The following FAN1 variants were observed in gnomAD, a reference collection of about 807,000 sequenced individuals.
The protein encoded by FAN1 is fanconi-associated nuclease 1.
Under a neutral mutation model 104.9 loss-of-function variants are expected in FAN1, and 91 were observed. That is an observed-to-expected ratio of 0.87 (90% confidence interval 0.73 to 1.03). FAN1 has a LOEUF of 1.03. Ranked by LOEUF, FAN1 falls within the 50% of genes least tolerant of loss-of-function variation. The pLI is 0.00. For missense variants in FAN1, 1,263 were observed against 1,239.9 expected, an observed-to-expected ratio of 1.02 and a Z score of -0.28; for synonymous variants, 478 against 457.6, an observed-to-expected ratio of 1.04 and a Z score of -0.57.
chr15:30,937,641 G>A (rs899644818), intron 14 of FAN1, among the ~76,000 whole-genome samples: 1 of 151,336 alleles, frequency 6.6e-6, no homozygotes, highest in Non-Finnish European at 1.5e-5. Context: ...TAGTAGAGAC[G>A]GGGTTTCACC....
rs769919620 is a variant in FAN1 at position 30,928,539 on chromosome 15, T to TGTGTGTGTGTGC, written c.2489-13_2489-12insTGTGTGTGTGCG. 6.2e-7 allele frequency: 1 copy of TGTGTGTGTGTGC among 1,611,176 alleles called. No individual in the cohort carries two copies. Among genetic ancestry groups the TGTGTGTGTGTGC allele is most frequent in the Non-Finnish European group, 8.5e-7 (1 of 1,178,146 alleles). On this transcript the variant is annotated splice_polypyrimidine_tract_variant and intron_variant, in intron 10 of 14. Transcript: ENST00000362065. ...GTGTGTGTGTGTGTGTGTGTGTGTGTGACCTTGTCTTAGGGATTCATGGCG... is the reference window on the plus strand; with the variant it reads ...GTGTGTGTGTGTGTGTGTGTGTGTGTGTGTGTGTGTGCGACCTTGTCTTAGGGATTCATGGCG...
chr15:30,926,875 G>A (rs2140939017), intron 10 of FAN1: 2 of 985,392 alleles, frequency 2.0e-6, no homozygotes, highest in South Asian at 9.4e-5. Context: ...CGTGAAACTG[G>A]GCTGAACTCT....
intron 5 of FAN1, among the ~76,000 whole-genome samples, chr15:30,916,891 G>C (rs1335411921): frequency 6.6e-6 from 1 of 152,176 alleles, no homozygotes; most frequent in South Asian, 2.1e-4. Flanking sequence ...AGTGGCCCTG[G>C]AGAGGTGACA....
chr15:30,928,057 G>A, intron 10 of FAN1: 3 of 998,036 alleles, frequency 3.0e-6, no homozygotes, highest in Non-Finnish European at 3.6e-6. Flanking sequence ...GTGCATCAGA[G>A]CAGCACCTGC....
rs373665066 is a variant in FAN1, at chr15:30,941,626, G to A, written c.*64G>A. ...GAAACTCCGGTGTCCCCGAGGTGTC[G>A]GTGTGGTGAGGGCCGCTGGCGTTGA... On this transcript the variant is annotated 3_prime_UTR_variant, in exon 15 of 15. Coordinates refer to ENST00000362065, the MANE Select transcript of FAN1 (RefSeq NM_014967.5). 5.0e-6 allele frequency: 8 copies of A among 1,605,986 alleles called. No individual in the cohort carries two copies. Among genetic ancestry groups the A allele is most frequent in the East Asian group, 2.2e-5 (1 of 44,528 alleles).
At position 30,928,695 on chromosome 15, in the gene FAN1, C is replaced by A. The variant is rs750100150; in HGVS notation, c.2592+39C>A. 4 of 1,612,642 alleles carry A rather than the reference C, an allele frequency of 2.5e-6. No homozygotes were observed. In the South Asian group the frequency reaches 4.4e-5, roughly 18 times the overall value. Reference sequence around the variant, plus strand: ...CCTGCCCCACGAGTAGGTCCTTCTGCACACATCCGTGGCTCACGCCCACCT... The same window carrying A: ...CCTGCCCCACGAGTAGGTCCTTCTGAACACATCCGTGGCTCACGCCCACCT... On this transcript the variant is annotated intron_variant, in intron 11 of 14. Transcript: ENST00000362065.
chr15:30,929,627 A>G (rs2062571757), intron 12 of FAN1, among the ~76,000 whole-genome samples: 1 of 126,192 alleles, frequency 7.9e-6, no homozygotes, highest in African/African-American at 3.2e-5. Context: ...TATATATTAT[A>G]TATTATACAA....
At chr15:30,908,611 C>T (rs1195187618) in intron 3 of FAN1, among the ~76,000 whole-genome samples, 1 of 151,946 alleles carries the variant, frequency 6.6e-6, no homozygotes, top group Non-Finnish European at 1.5e-5. Flanking sequence ...TTTGGGAGGC[C>T]GAGGCAGGTG....
intron 12 of FAN1, among the ~76,000 whole-genome samples, chr15:30,929,701 ATTATATC>A (rs1423229521): frequency 3.3e-5 from 2 of 60,994 alleles, no homozygotes; most frequent in African/African-American, 5.8e-5. Flanking sequence ...TAAAATATAT[ATTATATC>A]ATATATAATA....
Position 30,941,963 on chromosome 15 carries a change from G to A in FAN1, c.*401G>A. ...GCTGTCGGTTTGCTGAGCTGGATCT[G>A]GCTTTGGTTTTAATATCAATGAATT... is the stretch of plus-strand genomic sequence containing the variant. On this transcript the variant is annotated 3_prime_UTR_variant, in exon 15 of 15. Transcript: ENST00000362065. The A allele has an allele frequency of 6.2e-7, 1 of 1,613,986 alleles. No homozygotes were observed. The highest frequency in any genetic ancestry group is 8.5e-7 in the Non-Finnish European group (1 of 1,179,896).
At chr15:30,909,319 G>A (rs1045082379) in intron 3 of FAN1, among the ~76,000 whole-genome samples, 2 of 152,178 alleles carry the variant, frequency 1.3e-5, no homozygotes, top group East Asian at 1.9e-4. Flanking sequence ...GCTGGATGGC[G>A]TGGGATGGGG....
chr15:30,939,743 AAG>A (rs961796497), intron 14 of FAN1: 1 of 984,360 alleles, frequency 1.0e-6, no homozygotes, highest in East Asian at 1.1e-4. Context: ...CTAAATGAAA[AAG>A]GGAGAATTGT....
rs190677980 is a variant in FAN1 at position 30,942,315 on chromosome 15, C to T, written c.*753C>T. 2 of 562,798 alleles carry T rather than the reference C, an allele frequency of 3.6e-6. No homozygotes were observed. Among genetic ancestry groups the T allele is most frequent in the African/African-American group, 3.7e-5 (2 of 53,370 alleles). 34.9% of individuals were successfully genotyped at this position (562,798 alleles called of 1,614,324 possible). On this transcript the variant is annotated 3_prime_UTR_variant, in exon 15 of 15. Coordinates refer to ENST00000362065, the MANE Select transcript of FAN1 (RefSeq NM_014967.5). ...AATGGGGGCGGGATGAGAGTACCTC[C>T]TATCCACTAATTTGCTTAAGGATAA...
At position 30,942,224 on chromosome 15, in the gene FAN1, A is replaced by C. The variant is rs2063078452; in HGVS notation, c.*662A>C. The C allele has an allele frequency of 2.1e-6, 2 of 952,286 alleles. No individual in the cohort carries two copies. Among genetic ancestry groups the C allele is most frequent in the South Asian group, 3.3e-5 (2 of 60,514 alleles). 59.0% of individuals were successfully genotyped at this position (952,286 alleles called of 1,614,324 possible). ...TCCCTTCCTTTGTGTCCTTATTCTAATCCTCCTCCCCTGGAATTACACTTT... is the reference window on the plus strand; with the variant it reads ...TCCCTTCCTTTGTGTCCTTATTCTACTCCTCCTCCCCTGGAATTACACTTT... On this transcript the variant is annotated 3_prime_UTR_variant, in exon 15 of 15. Coordinates refer to ENST00000362065, the MANE Select transcript of FAN1 (RefSeq NM_014967.5).
Position 30,905,359 on chromosome 15 carries a change from A to G in FAN1, c.696A>G (p.Arg232=), listed in dbSNP as rs780766743. 6.2e-7 allele frequency: 1 copy of G among 1,614,054 alleles called. No homozygotes were observed. Among genetic ancestry groups the G allele is most frequent in the South Asian group, 1.1e-5 (1 of 91,084 alleles). ...KEECIPEHMV[R]GSKIMEAESQ... ...AGTGCATTCCTGAACATATGGTAAG[A>G]GGAAGTAAAATAATGGAAGCCGAAA... Residue 232 remains arginine (R), a synonymous_variant, in exon 2 of 15, where the codon AGA becomes AGG. Coordinates refer to ENST00000362065, the MANE Select transcript of FAN1 (RefSeq NM_014967.5).
chr15:30,925,327 C>A, intron 9 of FAN1, 36 bp downstream of exon 9: 1 of 1,582,558 alleles, frequency 6.3e-7, no homozygotes. Flanking sequence ...TGGACTTAGG[C>A]GCGTGTACCT....
chr15:30,917,309 G>C (rs2140919592), intron 5 of FAN1, among the ~76,000 whole-genome samples: 1 of 152,220 alleles, frequency 6.6e-6, no homozygotes, highest in East Asian at 1.9e-4. Context: ...TGTGGCATTG[G>C]ACTTGCGGTC....
At position 30,908,174 on chromosome 15, in the gene FAN1, A is replaced by G. The variant is rs745484031; in HGVS notation, c.1291A>G (p.Met431Val). The change falls in exon 3 of 15, where the codon ATG becomes GTG. Residue 431 changes from methionine to valine, a missense_variant. Physicochemically the swap from Met to Val is conservative, Grantham distance 21. Around this residue, in one of 2 missense-constraint regions of FAN1, gnomAD observed 682 missense variants for 571.1 expected, o/e 1.19. Coordinates refer to ENST00000362065, the MANE Select transcript of FAN1 (RefSeq NM_014967.5). ...TCAACGTAAATTAAGCTGGATTAAG[A>G]TGACCAAATTAGAGTATGAAGAGAT... ...LFQRKLSWIK[M>V]TKLEYEEIAL... The G allele has an allele frequency of 2.5e-6, 4 of 1,611,498 alleles. No homozygotes were observed. The highest frequency in any genetic ancestry group is 3.4e-6 in the Non-Finnish European group (4 of 1,178,936).
Position 30,905,393 on chromosome 15 carries a change from G to T in FAN1, c.730G>T (p.Ala244Ser). 1 of 1,614,096 alleles carries T rather than the reference G, an allele frequency of 6.2e-7. No individual in the cohort carries two copies. Among genetic ancestry groups the T allele is most frequent in the Non-Finnish European group, 8.5e-7 (1 of 1,180,018 alleles). The change falls in exon 2 of 15, where the codon GCT (alanine) becomes TCT (serine). Residue 244 changes from alanine (A) to serine (S), a missense_variant. Coordinates refer to ENST00000362065, the MANE Select transcript of FAN1 (RefSeq NM_014967.5). ...AATAATGGAAGCCGAAAGCCAAAAG[G>T]CTACCCGGGAATGTGAGAAATCAGC... ...SKIMEAESQKATRECEKSALT... is the reference protein window; with the variant it reads ...SKIMEAESQKSTRECEKSALT...
Sources: allele counts gnomAD v4.1 joint callset (sites outside exome capture counted in the v4.1 genomes callset), GRCh38; gene constraint gnomAD v4.1.1; regional missense constraint gnomAD v4.1.1; transcripts MANE v1.5; gene names NCBI Gene and HGNC (gene_info 2026-07-23, HGNC 2026-07-21).